The following SHPK variants were observed in gnomAD, a reference collection of about 807,000 sequenced individuals.
SHPK encodes the protein carbohydrate kinase-like protein.
A neutral mutation model predicts 46.3 loss-of-function variants in SHPK; 51 were observed. That is an observed-to-expected ratio of 1.10 (90% CI 0.88 to 1.39). SHPK has a LOEUF of 1.39. SHPK is among the 40% of genes most tolerant of loss of function. The pLI is 0.00. For synonymous variants in SHPK, 290 were observed against 273.9 expected (o/e 1.06, Z -0.58); for missense variants, 668 against 641.3 (o/e 1.04, Z -0.45).
chr17:3,619,363 T>C, intron 5 of SHPK: 1 of 1,479,432 alleles, frequency 6.8e-7, no homozygotes, highest in Non-Finnish European at 9.4e-7. Context: ...TTTTATACAT[T>C]GAACCATTCC....
chr17:3,614,457 G>A (rs545074920), intron 6 of SHPK, among the ~76,000 whole-genome samples: 5 of 151,884 alleles, frequency 3.3e-5, no homozygotes, highest in African/African-American at 1.2e-4. Context: ...CCTGGGAGGC[G>A]GAGATTGCAG....
At chr17:3,612,889 C>T (rs1432984845) in intron 6 of SHPK, among the ~76,000 whole-genome samples, 2 of 151,560 alleles carry the variant, frequency 1.3e-5, no homozygotes, top group African/African-American at 4.9e-5. Context: ...GTAGCTGGGA[C>T]TACAGGTGCA....
At chr17:3,623,281 C>T in intron 4 of SHPK, 58 bp downstream of exon 4, 1 of 1,596,002 alleles carries the variant, frequency 6.3e-7, no homozygotes, top group South Asian at 1.1e-5. Context: ...AGCACTGGCT[C>T]CGGGGTTGCC....
intron 1 of SHPK, among the ~76,000 whole-genome samples, chr17:3,631,737 G>A (rs1023686656): frequency 6.6e-6 from 1 of 151,458 alleles, no homozygotes; most frequent in Non-Finnish European, 1.5e-5. Context: ...TGGCCAGGCT[G>A]GTCTCAAACT....
intron 5 of SHPK, among the ~76,000 whole-genome samples, chr17:3,619,017 C>T (rs975458973): frequency 1.4e-5 from 2 of 144,932 alleles, no homozygotes; most frequent in South Asian, 4.7e-4. Flanking sequence ...TTTTTACAAT[C>T]CCACTAGCAT....
At chr17:3,635,603 A>G (rs1009073357) in intron 1 of SHPK, among the ~76,000 whole-genome samples, 1 of 152,196 alleles carries the variant, frequency 6.6e-6, no homozygotes, top group Admixed American at 6.5e-5. Context: ...GCCTGATTTG[A>G]CATCTGATTT....
intron 2 of SHPK, among the ~76,000 whole-genome samples, chr17:3,625,302 A>G (rs2075426839): frequency 6.6e-6 from 1 of 152,158 alleles, no homozygotes; most frequent in South Asian, 2.1e-4. Context: ...TTGAATATAG[A>G]ATCACCTTGG....
intron 5 of SHPK, among the ~76,000 whole-genome samples, chr17:3,616,998 A>C (rs1454693806): frequency 6.6e-6 from 1 of 151,068 alleles, no homozygotes; most frequent in African/African-American, 2.4e-5. Flanking sequence ...CGGCCTCCCA[A>C]AGTGCTGGGA....
chr17:3,611,648 C>T (rs2075340670), intron 6 of SHPK, among the ~76,000 whole-genome samples: 1 of 152,056 alleles, frequency 6.6e-6, no homozygotes, highest in Non-Finnish European at 1.5e-5. Flanking sequence ...GGATCCAGGA[C>T]CAATCACTGA....
chr17:3,621,553 TACTCCTTC>T, intron 4 of SHPK, 141 bp from the exon 5 acceptor site: 1 of 698,382 alleles, frequency 1.4e-6, no homozygotes, highest in Non-Finnish European at 2.3e-6. Flanking sequence ...CCCTTCTCTT[TACTCCTTC>T]CCTCTTTCCC....
chr17:3,613,750 G>T (rs1312074652), intron 6 of SHPK, among the ~76,000 whole-genome samples: 1 of 151,952 alleles, frequency 6.6e-6, no homozygotes, highest in Non-Finnish European at 1.5e-5. Context: ...TACAGACAGG[G>T]TCTTGCTATG....
chr17:3,629,351 C>T (rs1164344221), intron 2 of SHPK, among the ~76,000 whole-genome samples: 1 of 152,106 alleles, frequency 6.6e-6, no homozygotes, highest in Non-Finnish European at 1.5e-5. Context: ...CTCCTCAAGG[C>T]CAAATAGAAC....
At position 3,620,601 on chromosome 17, in the gene SHPK, C is replaced by A. The variant is rs1191077702; in HGVS notation, c.823+636G>T. 3.3e-5 allele frequency among the ~76,000 whole-genome samples: 5 copies of A among 151,192 alleles called. No individual in the cohort carries two copies. The East Asian group carries it at 7.8e-4, about 24-fold the overall frequency. ...GTTTTGAGATGGAGTCTCGCTCTGT[C>A]GTCAGGCTGGAGTGCAGTGATGTGA... On this transcript the variant is annotated intron_variant, in intron 5 of 6. Transcript: ENST00000225519.
Position 3,623,366 on chromosome 17 carries a change from G to T in SHPK, c.620C>A (p.Thr207Lys), listed in dbSNP as rs141473852. 5 of 1,614,074 alleles carry T rather than the reference G, an allele frequency of 3.1e-6. No homozygotes were observed. The highest frequency in any genetic ancestry group is 1.1e-5 in the South Asian group (1 of 91,086). The change falls in exon 4 of 7, where the codon ACG (threonine) becomes AAG (lysine). Residue 207 changes from threonine (T) to lysine (K), a missense_variant. By Grantham distance (78) the Thr-to-Lys change is moderately conservative. Transcript: ENST00000225519. ...QNAASWGYFN[T>K]QSQSWNVETL... ...CTCTACGTTCCAGCTTTGGCTCTGC[G>T]TGTTGAAATAGCCCCAGCTGGCAGC...
intron 2 of SHPK, among the ~76,000 whole-genome samples, chr17:3,629,464 C>T (rs1024774124): frequency 2.6e-5 from 4 of 152,170 alleles, no homozygotes; most frequent in Non-Finnish European, 5.9e-5. Context: ...GGCATGGTGG[C>T]TCACACCTGT....
Position 3,624,069 on chromosome 17 carries a change from A to G in SHPK, c.473T>C (p.Ile158Thr). 6.2e-7 allele frequency: 1 copy of G among 1,606,338 alleles called. No individual in the cohort carries two copies. The highest frequency in any genetic ancestry group is 1.3e-5 in the African/African-American group (1 of 74,844). ...SVATGFGCAT[I>T]FWLLKYRPEF... Reference sequence around the variant, plus strand: ...GTACCGATATTTCAAAAGCCAGAAGATGGTTGCACAGCCGAAGCCCGTGGC... The same window carrying G: ...GTACCGATATTTCAAAAGCCAGAAGGTGGTTGCACAGCCGAAGCCCGTGGC... The change falls in exon 3 of 7, where the codon ATC (isoleucine) becomes ACC (threonine). Residue 158 changes from isoleucine to threonine, a missense_variant. Ile to Thr is a moderately conservative substitution (Grantham distance 89, BLOSUM62 -1). Transcript: ENST00000225519.
rs1459841926 is a variant in SHPK, at chr17:3,630,313, C to T, written c.202G>A (p.Ala68Thr). 6.2e-7 allele frequency: 1 copy of T among 1,613,144 alleles called. No individual in the cohort carries two copies. Among genetic ancestry groups the T allele is most frequent in the South Asian group, 1.1e-5 (1 of 91,052 alleles). ...AGGGCAGCAAGGCACTCGTGTAGGG[C>T]TTGGAGGATTCTACTCACATCCTGC... ...REQDVSRILQ[A>T]LHECLAALPR... Residue 68 changes from alanine to threonine, a missense_variant, in exon 2 of 7, where the codon GCC becomes ACC. Physicochemically the swap from Ala to Thr is moderately conservative, Grantham distance 58 (BLOSUM62 0). Coordinates refer to ENST00000225519, the MANE Select transcript of SHPK (RefSeq NM_013276.4).
At chr17:3,622,484 A>G (rs966098128) in intron 4 of SHPK, 26 of 578,090 alleles carry the variant, frequency 4.5e-5, no homozygotes, top group Non-Finnish European at 5.5e-5. Flanking sequence ...CGTGTTAGTC[A>G]CTCAGGGTTA....
intron 1 of SHPK, among the ~76,000 whole-genome samples, chr17:3,635,336 C>G (rs1422426088): frequency 2.6e-5 from 4 of 151,822 alleles, no homozygotes; most frequent in African/African-American, 9.7e-5. Flanking sequence ...CCCGGGTTCG[C>G]GCCATTCTCC....
Sources: allele counts gnomAD v4.1 joint callset (sites outside exome capture counted in the v4.1 genomes callset), GRCh38; gene constraint gnomAD v4.1.1; transcripts MANE v1.5; gene names NCBI Gene and HGNC (gene_info 2026-07-23, HGNC 2026-07-21).